The following ARHGAP8 variants were observed in gnomAD, a reference collection of about 807,000 sequenced individuals.
ARHGAP8 encodes Rho GTPase activating protein 8.
A neutral mutation model predicts 46.1 loss-of-function variants in ARHGAP8; 62 were observed. The ratio of observed to expected loss-of-function variants is 1.34; its 90% CI spans 1.10 to 1.66. The LOEUF (loss-of-function observed/expected upper bound fraction) is 1.66. Among genes scored for constraint, ARHGAP8 ranks in the 40% most tolerant of loss-of-function variants. The pLI is 0.00. For synonymous variants in ARHGAP8, 375 were observed against 243.1 expected (o/e 1.54, Z -5.05); for missense variants, 923 against 568.4 (o/e 1.62, Z -6.34).
intron 5 of ARHGAP8, among the ~76,000 whole-genome samples, chr22:44,820,820 G>A (rs1051895668): frequency 3.3e-5 from 5 of 152,132 alleles, no homozygotes; most frequent in African/African-American, 4.8e-5. Context: ...CACACAGCTC[G>A]GCCTCCCTCG....
At chr22:44,784,298 G>T (rs1486761210) in intron 1 of ARHGAP8, among the ~76,000 whole-genome samples, 4 of 152,108 alleles carry the variant, frequency 2.6e-5, no homozygotes, top group Non-Finnish European at 5.9e-5. Flanking sequence ...CAGCTACTCA[G>T]GAGGCTGAGG....
Position 44,849,073 on chromosome 22 carries a change from C to T in ARHGAP8, c.877+13C>T. The stretch of plus-strand genomic sequence containing the variant: ...CTCGGGATCACCTGTGCGTAGCTGC[C>T]CTGGCGCAGGGGTGGGGGGCTTGGT... On this transcript the variant is annotated intron_variant, in intron 10 of 11. Transcript: ENST00000356099. 3 of 1,613,568 alleles carry T rather than the reference C, an allele frequency of 1.9e-6. No individual in the cohort carries two copies. The highest frequency in any genetic ancestry group is 2.2e-5 in the South Asian group (2 of 91,076).
At chr22:44,857,959 A>G (rs7293197) in intron 10 of ARHGAP8, among the ~76,000 whole-genome samples, 33,116 of 148,276 alleles carry the variant, frequency 0.22, 4,330 homozygotes, top group Admixed American at 0.27. Context: ...GCTGAGGGTG[A>G]CCTGCACCAG....
rs370547326 is a variant in ARHGAP8, at chr22:44,862,503, T to C, written c.1210T>C (p.Leu404=). ...GGAACAGGGGAGCAGGGCAGCCCCT[T>C]TGCAGGAGGCTGTGCCACGGACACA... The part of the protein sequence containing the change: ...PWEQGSRAAP[L]QEAVPRTQAT... The change falls in exon 12 of 12, where the codon TTG becomes CTG. Residue 404 remains leucine (L), a synonymous_variant. Transcript: ENST00000356099. 47 of 1,613,334 alleles carry C rather than the reference T, an allele frequency of 2.9e-5. No homozygotes were observed. The Admixed American group carries it at 3.3e-4, about 11-fold the overall frequency.
chr22:44,825,634 C>G, intron 7 of ARHGAP8, 41 bp downstream of exon 7: 1 of 1,580,036 alleles, frequency 6.3e-7, no homozygotes, highest in Non-Finnish European at 8.6e-7. Context: ...TGCCCTGGAG[C>G]CCTGGGAGCT....
intron 5 of ARHGAP8, among the ~76,000 whole-genome samples, chr22:44,815,497 C>T (rs1261337727): frequency 6.6e-6 from 1 of 152,134 alleles, no homozygotes; most frequent in African/African-American, 2.4e-5. Context: ...CCGACTCTCC[C>T]AGGAGCTGAG....
intron 10 of ARHGAP8, among the ~76,000 whole-genome samples, chr22:44,857,491 G>T (rs998448789): frequency 2.6e-5 from 4 of 152,168 alleles, no homozygotes; most frequent in African/African-American, 9.7e-5. Flanking sequence ...ACATGACATG[G>T]GTACCTTCGT....
chr22:44,861,374 A>C (rs918885402), intron 11 of ARHGAP8, among the ~76,000 whole-genome samples: 5 of 151,936 alleles, frequency 3.3e-5, no homozygotes, highest in African/African-American at 1.2e-4. Flanking sequence ...GCGTGTTATC[A>C]CCCCAGTGGC....
chr22:44,861,561 C>T (rs2070486508), intron 11 of ARHGAP8, among the ~76,000 whole-genome samples: 1 of 152,208 alleles, frequency 6.6e-6, no homozygotes, highest in African/African-American at 2.4e-5. Context: ...CTCCAGTTCT[C>T]TGCTCTGCCC....
chr22:44,808,547 G>A, intron 4 of ARHGAP8, 109 bp downstream of exon 4: 1 of 1,523,164 alleles, frequency 6.6e-7, no homozygotes, highest in South Asian at 1.2e-5. Flanking sequence ...GGGTCTGGTA[G>A]GGCGGAGGGT....
chr22:44,825,454 T>A lies in ARHGAP8; in HGVS notation c.486-29T>A, dbSNP rs200605462. 333 of 1,587,470 alleles carry A rather than the reference T, an allele frequency of 2.1e-4. 2 individuals are homozygous for A. The African/African-American group carries it at 4.0e-3, about 19-fold the overall frequency. On this transcript the variant is annotated intron_variant, in intron 6 of 11. Transcript: ENST00000356099. ...GTGGCTGCCAGCTGCCCCTGCCAGGTGAGATCCCAGCCTCTGTTGTGTCTA... is the reference window on the plus strand; with the variant it reads ...GTGGCTGCCAGCTGCCCCTGCCAGGAGAGATCCCAGCCTCTGTTGTGTCTA...
At chr22:44,832,033 T>A in intron 7 of ARHGAP8, among the ~76,000 whole-genome samples, 1 of 152,210 alleles carries the variant, frequency 6.6e-6, no homozygotes, top group East Asian at 1.9e-4. Context: ...CCTGGGTGTG[T>A]AGACCAATTT....
rs147598722 is a variant in ARHGAP8 at position 44,859,738 on chromosome 22, G to A, written c.885G>A (p.Glu295=). The part of the protein sequence containing the change: ...YEQILGITCV[E]SSLRVTGCRQ... ...AGCCCCATGCCCTTCCAGGTGTGGA[G>A]AGCAGCCTGCGTGTCACTGGCTGCC... The change falls in exon 11 of 12, where the codon GAG becomes GAA. Residue 295 remains glutamate, a synonymous_variant. Coordinates refer to ENST00000356099, the MANE Select transcript of ARHGAP8 (RefSeq NM_181335.3). 4 of 1,613,660 alleles carry A rather than the reference G, an allele frequency of 2.5e-6. No individual in the cohort carries two copies. Among genetic ancestry groups the A allele is most frequent in the African/African-American group, 1.3e-5 (1 of 75,064 alleles).
chr22:44,774,001 T>C (rs1926231936), intron 1 of ARHGAP8, among the ~76,000 whole-genome samples: 1 of 152,248 alleles, frequency 6.6e-6, no homozygotes. Context: ...TCTCGCTAAA[T>C]CCTTATATTC....
intron 3 of ARHGAP8, among the ~76,000 whole-genome samples, chr22:44,805,920 TC>T (rs1928890656): frequency 6.6e-6 from 1 of 152,196 alleles, no homozygotes; most frequent in African/African-American, 2.4e-5. Flanking sequence ...GTTAATGACT[TC>T]CTGTGCTGAG....
chr22:44,825,675 C>G (rs1930459849), intron 7 of ARHGAP8, 82 bp downstream of exon 7: 1 of 1,461,650 alleles, frequency 6.8e-7, no homozygotes, highest in Admixed American at 2.3e-5. Context: ...GAAATATTTT[C>G]CCCAGACGTT....
chr22:44,845,418 C>G lies in ARHGAP8; in HGVS notation c.670+76C>G. The stretch of plus-strand genomic sequence containing the variant: ...CTCTCTGGGTGGTTTGTCTTGGATC[C>G]TGAGCACCCACAAGCCAGGGGGTGT... On this transcript the variant is annotated intron_variant, in intron 8 of 11. Transcript: ENST00000356099. 2.5e-6 allele frequency: 4 copies of G among 1,597,378 alleles called. No homozygotes were observed. The Admixed American group carries it at 6.8e-5, about 27-fold the overall frequency.
intron 1 of ARHGAP8, among the ~76,000 whole-genome samples, chr22:44,758,216 C>T (rs143956315): frequency 0.012 from 1,845 of 152,170 alleles, 21 homozygotes; most frequent in Middle Eastern, 0.031. Flanking sequence ...TTTGGGAGGC[C>T]GAGGCAGGCA....
chr22:44,859,420 T>C (rs995065069), intron 10 of ARHGAP8, among the ~76,000 whole-genome samples: 1 of 152,164 alleles, frequency 6.6e-6, no homozygotes, highest in African/African-American at 2.4e-5. Flanking sequence ...CCTTCTGCCA[T>C]AATTGGAAGC....
Sources: allele counts gnomAD v4.1 joint callset (sites outside exome capture counted in the v4.1 genomes callset), GRCh38; gene constraint gnomAD v4.1.1; transcripts MANE v1.5; gene names NCBI Gene and HGNC (gene_info 2026-07-23, HGNC 2026-07-21).